Variants in FCGR3A observed in about 807,000 individuals in gnomAD.
FCGR3A encodes Fc gamma receptor IIIa.
Under a neutral mutation model 24.1 loss-of-function variants are expected in FCGR3A, and 13 were observed. That is an observed-to-expected ratio of 0.54 (90% CI 0.35 to 0.86). The LOEUF (loss-of-function observed/expected upper bound fraction) is 0.86, where lower values mean the gene tolerates loss of function less well. Ranked by LOEUF, FCGR3A falls within the 40% of genes least tolerant of loss-of-function variation. FCGR3A has a pLI of 0.01. For missense variants in FCGR3A, 235 were observed against 298.0 expected (o/e 0.79, Z 1.56); for synonymous variants, 93 against 112.2 (o/e 0.83, Z 1.08).
At chr1:161,546,918 A>G (rs1263856128) in intron 3 of FCGR3A, among the ~76,000 whole-genome samples, 1 of 151,940 alleles carries the variant, frequency 6.6e-6, no homozygotes, top group African/African-American at 2.4e-5. Flanking sequence ...AACAAAAACA[A>G]AAACAAACAC....
rs1348983108 is a variant in FCGR3A, at chr1:161,549,800, T to C, written c.-64A>G. ...GGAGCCCTAAAGGGACCAAACCGAC[T>C]AGACAGGAGGAAGTAAACAGCCTTT... On this transcript the variant is annotated 5_prime_UTR_variant, in exon 1 of 5. Coordinates refer to ENST00000443193, the MANE Select transcript of FCGR3A (RefSeq NM_000569.8). 3.6e-5 allele frequency: 58 copies of C among 1,613,702 alleles called. 1 individual carries two copies. Among genetic ancestry groups the C allele is most frequent in the Non-Finnish European group, 4.7e-5 (55 of 1,179,874 alleles).
intron 3 of FCGR3A, among the ~76,000 whole-genome samples, chr1:161,546,976 C>G (rs1677445871): frequency 6.6e-6 from 1 of 151,936 alleles, no homozygotes; most frequent in African/African-American, 2.4e-5. Context: ...CAGAGGAGGA[C>G]ATAAGTGAAA....
chr1:161,544,719 T>C lies in FCGR3A; in HGVS notation c.559A>G (p.Asn187Asp). ...GSKNVSSETV[N>D]ITITQGLAVS... Reference sequence around the variant, plus strand: ...GTCTCACCTTGAGTGATGGTGATGTTCACAGTCTCTGAAGACACATTTTTA... The same window carrying C: ...GTCTCACCTTGAGTGATGGTGATGTCCACAGTCTCTGAAGACACATTTTTA... The change falls in exon 4 of 5, where the codon AAC becomes GAC. Residue 187 changes from asparagine to aspartate, a missense_variant. Transcript: ENST00000443193. The C allele has an allele frequency of 6.2e-7, 1 of 1,611,596 alleles. No individual in the cohort carries two copies. Among genetic ancestry groups the C allele is most frequent in the Non-Finnish European group, 8.5e-7 (1 of 1,178,104 alleles).
chr1:161,543,758 C>T (rs1252682478), intron 4 of FCGR3A, among the ~76,000 whole-genome samples: 5 of 152,270 alleles, frequency 3.3e-5, no homozygotes, highest in Non-Finnish European at 5.9e-5. Flanking sequence ...CAAATTATGG[C>T]ATTGTAGTGT....
chr1:161,544,848 T>C lies in FCGR3A; in HGVS notation c.430A>G (p.Asn144Asp). ...TGAAAATACTTCCTGCCTTTGCCAT[T>C]CTGTAAATATGTGACCTTATGCAGA... ...TALHKVTYLQ[N>D]GKGRKYFHHN... Residue 144 changes from asparagine (N) to aspartate (D), a missense_variant, in exon 4 of 5, where the codon AAT becomes GAT. By Grantham distance (23) the Asn-to-Asp change is conservative (BLOSUM62 1). Transcript: ENST00000443193. 6.2e-7 allele frequency: 1 copy of C among 1,613,882 alleles called. No homozygotes were observed. The highest frequency in any genetic ancestry group is 8.5e-7 in the Non-Finnish European group (1 of 1,179,914).
intron 3 of FCGR3A, chr1:161,545,293 C>A (rs1371221809): frequency 5.9e-6 from 2 of 340,342 alleles, no homozygotes; most frequent in Admixed American, 8.7e-5. Context: ...TGGCAGGTGA[C>A]AAGGATTCAC....
chr1:161,542,976 G>C lies in FCGR3A; in HGVS notation c.*36C>G, dbSNP rs1471289216. 1.3e-6 allele frequency: 2 copies of C among 1,527,376 alleles called. No individual in the cohort carries two copies. Among genetic ancestry groups the C allele is most frequent in the Non-Finnish European group, 8.9e-7 (1 of 1,118,714 alleles). 94.6% of individuals were successfully genotyped at this position (1,527,376 alleles called of 1,614,324 possible). A position where few individuals can be genotyped will look rare whatever the true frequency, so the allele number is the denominator to read the frequency against. ...ATCCAGAGAAATGTTCAGAGATGCT[G>C]CTGCTACTGCTCTTATTACCCCCAT... On this transcript the variant is annotated 3_prime_UTR_variant, in exon 5 of 5. Coordinates refer to ENST00000443193, the MANE Select transcript of FCGR3A (RefSeq NM_000569.8).
Position 161,548,444 on chromosome 1 carries a change from G to A in FCGR3A, c.296C>T (p.Pro99Leu), listed in dbSNP as rs145557772. 61 of 1,613,852 alleles carry A rather than the reference G, an allele frequency of 3.8e-5. No individual in the cohort carries two copies. Among genetic ancestry groups the A allele is most frequent in the South Asian group, 6.6e-5 (6 of 91,080 alleles). The change falls in exon 3 of 5, where the codon CCG becomes CTG. Residue 99 changes from proline (P) to leucine (L), a missense_variant. By Grantham distance (98) the Pro-to-Leu change is moderately conservative (BLOSUM62 -3). Transcript: ENST00000443193. ...CQTNLSTLSDPVQLEVHIGWL... is the reference protein window; with the variant it reads ...CQTNLSTLSDLVQLEVHIGWL... ...ACCGATATGGACTTCTAGCTGCACC[G>A]GGTCACTGAGGGTGGAGAGGTTTGT...
At chr1:161,543,248 G>A (rs373678887) in intron 4 of FCGR3A, 49 bp from the exon 5 acceptor site, 16 of 1,587,708 alleles carry the variant, frequency 1.0e-5, no homozygotes, top group Non-Finnish European at 1.3e-5. Flanking sequence ...CACTAAGGCA[G>A]ATATTTGGAA....
At chr1:161,545,997 T>G (rs1004696799) in intron 3 of FCGR3A, among the ~76,000 whole-genome samples, 7 of 152,232 alleles carry the variant, frequency 4.6e-5, no homozygotes, top group Admixed American at 2.6e-4. Context: ...CTTTTATATA[T>G]TTTTGAAATT....
intron 3 of FCGR3A, chr1:161,545,768 G>A (rs948869006): frequency 2.6e-5 from 4 of 151,922 alleles, no homozygotes; most frequent in Non-Finnish European, 4.4e-5. Flanking sequence ...GTCATGGTCG[G>A]GAAAGGGCCT....
intron 3 of FCGR3A, among the ~76,000 whole-genome samples, chr1:161,547,930 C>T (rs543236207): frequency 1.3e-5 from 2 of 152,408 alleles, no homozygotes; most frequent in Non-Finnish European, 2.9e-5. Flanking sequence ...ATTAGCTGGG[C>T]GTGGTGGCGG....
chr1:161,543,055 T>G lies in FCGR3A; in HGVS notation c.722A>C (p.Lys241Thr). 1 of 1,613,314 alleles carries G rather than the reference T, an allele frequency of 6.2e-7. No individual in the cohort carries two copies. The highest frequency in any genetic ancestry group is 8.5e-7 in the Non-Finnish European group (1 of 1,179,590). Residue 241 changes from lysine to threonine, a missense_variant, in exon 5 of 5, where the codon AAG becomes ACG. By Grantham distance (78) the Lys-to-Thr change is moderately conservative. Transcript: ENST00000443193. ...TNIRSSTRDW[K>T]DHKFKWRKDP... is the part of the protein sequence containing the mutation. ...CTTTCTCCATTTAAATTTATGGTCC[T>G]TCCAGTCTCTTGTTGAGCTTCGAAT... is the stretch of plus-strand genomic sequence containing the variant.
At chr1:161,546,270 T>C (rs970049443) in intron 3 of FCGR3A, among the ~76,000 whole-genome samples, 2 of 152,092 alleles carry the variant, frequency 1.3e-5, no homozygotes, top group Non-Finnish European at 2.9e-5. Context: ...AGCAGAGAGA[T>C]GAATCATTAT....
At chr1:161,547,852 C>T (rs1317942855) in intron 3 of FCGR3A, among the ~76,000 whole-genome samples, 2 of 152,302 alleles carry the variant, frequency 1.3e-5, no homozygotes, top group African/African-American at 2.4e-5. Flanking sequence ...GGTGAATCAC[C>T]TGAGGTCAGG....
intron 3 of FCGR3A, among the ~76,000 whole-genome samples, chr1:161,547,206 G>T (rs572254391): frequency 6.6e-6 from 1 of 152,072 alleles, no homozygotes; most frequent in African/African-American, 2.4e-5. Context: ...TACCTAGCTA[G>T]AAATGGACAT....
In FCGR3A at chr1:161,548,567, G is replaced by A. The variant is rs765356562; in HGVS notation, c.173C>T (p.Thr58Ile). The change falls in exon 3 of 5, where the codon ACA (threonine) becomes ATA (isoleucine). Residue 58 changes from threonine to isoleucine, a missense_variant. By Grantham distance (89) the Thr-to-Ile change is moderately conservative (BLOSUM62 -1). Transcript: ENST00000443193. ...GAGGCTCTCATTGTGAAACCACTGTGTGGAATTGTCCTCAGGGGAGTAGGC... is the reference window on the plus strand; with the variant it reads ...GAGGCTCTCATTGTGAAACCACTGTATGGAATTGTCCTCAGGGGAGTAGGC... Reference protein sequence around the residue: ...QGAYSPEDNSTQWFHNESLIS... With the variant: ...QGAYSPEDNSIQWFHNESLIS... 4.3e-5 allele frequency: 69 copies of A among 1,613,826 alleles called. No individual in the cohort carries two copies. Among genetic ancestry groups the A allele is most frequent in the Non-Finnish European group, 5.6e-5 (66 of 1,179,800 alleles).
At chr1:161,545,163 G>A (rs1259706958) in intron 3 of FCGR3A, among the ~76,000 whole-genome samples, 1 of 151,952 alleles carries the variant, frequency 6.6e-6, no homozygotes, top group East Asian at 1.9e-4. Flanking sequence ...TGGGGAAGAG[G>A]GACACACACA....
chr1:161,541,974 TAACTC>T lies in FCGR3A; in HGVS notation c.*1033_*1037del, dbSNP rs889478880. 2.6e-5 allele frequency: 4 copies of T among 152,240 alleles called. No individual in the cohort carries two copies. The highest frequency in any genetic ancestry group is 7.2e-5 in the African/African-American group (3 of 41,388). The allele number at this position is 152,240 out of a possible 1,614,324, so 9.4% of individuals were successfully genotyped here. On this transcript the variant is annotated 3_prime_UTR_variant, in exon 5 of 5. Transcript: ENST00000443193. ...TGAAGGATTTGAAAGTTTCATAACT[TAACTC>T]AGCGAAGCTCAGTAGTACATTTAGT...
Sources: gnomAD v4.1 joint callset for allele counts (sites outside exome capture counted in the v4.1 genomes callset) on GRCh38, gnomAD v4.1.1 for gene constraint, MANE v1.5 for transcripts, NCBI Gene and HGNC (gene_info 2026-07-23, HGNC 2026-07-21) for gene names.